SECISBP2: variants seen among roughly 807,000 people sequenced by gnomAD.
The protein encoded by SECISBP2 is SECIS binding protein 2.
Under a neutral mutation model 98.2 loss-of-function variants are expected in SECISBP2, and 96 were observed. The observed-to-expected ratio is 0.98, with a 90% CI of 0.83 to 1.16. SECISBP2 has a LOEUF of 1.16. SECISBP2 is among the 50% of genes most tolerant of loss of function. SECISBP2 has a pLI of 0.00. For synonymous variants in SECISBP2, 407 were observed against 370.2 expected (o/e 1.10, Z -1.14); for missense variants, 1,046 against 1,022.9 (o/e 1.02, Z -0.31).
intron 14 of SECISBP2, among the ~76,000 whole-genome samples, chr9:89,353,727 GGTGGAAAT>G (rs1365415913): frequency 6.6e-6 from 1 of 152,144 alleles, no homozygotes; most frequent in African/African-American, 2.4e-5. Context: ...AAAACAAAAA[GGTGGAAAT>G]GTATGCCCTT....
At chr9:89,328,970 T>G (rs1018845906) in intron 5 of SECISBP2, 84 bp downstream of exon 5, 1 of 1,167,340 alleles carries the variant, frequency 8.6e-7, no homozygotes, top group Non-Finnish European at 1.3e-6. Context: ...TAAATCTTGC[T>G]GTGGGCTTTG....
At chr9:89,321,504 C>T (rs1405478571) in intron 2 of SECISBP2, among the ~76,000 whole-genome samples, 2 of 151,356 alleles carry the variant, frequency 1.3e-5, no homozygotes, top group Admixed American at 1.3e-4. Flanking sequence ...ATCTCTACTA[C>T]AGAAATACAA....
intron 10 of SECISBP2, among the ~76,000 whole-genome samples, chr9:89,344,749 A>G (rs1016972683): frequency 2.0e-5 from 3 of 152,102 alleles, no homozygotes; most frequent in Non-Finnish European, 4.4e-5. Context: ...ATGTTAGTTT[A>G]TATATTGAAG....
At chr9:89,350,305 T>C (rs1282308497) in intron 13 of SECISBP2, among the ~76,000 whole-genome samples, 1 of 152,202 alleles carries the variant, frequency 6.6e-6, no homozygotes, top group African/African-American at 2.4e-5. Flanking sequence ...CCTGCCCACT[T>C]TTCTTCCAGG....
chr9:89,366,711 A>C, the SECISBP2 span, among the ~76,000 whole-genome samples: 2 of 152,254 alleles, frequency 1.3e-5, no homozygotes, highest in Admixed American at 6.5e-5. Flanking sequence ...GCTGATGGGC[A>C]TCCAGGTAAA....
chr9:89,332,983 A>G lies in SECISBP2; in HGVS notation c.877A>G (p.Arg293Gly). The stretch of plus-strand genomic sequence containing the variant: ...CGCTACCAATTCTCCTTCATGTACA[A>G]GAGGTAAAAGTGGCTGCAAAAATGT... ...NAATNSPSCTRELSWTPMGYV... is the reference protein window; with the variant it reads ...NAATNSPSCTGELSWTPMGYV... Residue 293 changes from arginine to glycine, a missense_variant, in exon 6 of 17, where the codon AGA (arginine) becomes GGA (glycine). Arg to Gly is a moderately radical substitution (Grantham distance 125). Transcript: ENST00000375807. The G allele has an allele frequency of 1.2e-6, 2 of 1,613,454 alleles. No homozygotes were observed. Among genetic ancestry groups the G allele is most frequent in the East Asian group, 2.2e-5 (1 of 44,824 alleles).
intron 10 of SECISBP2, among the ~76,000 whole-genome samples, chr9:89,342,178 A>C (rs1829748773): frequency 6.6e-6 from 1 of 152,264 alleles, no homozygotes; most frequent in South Asian, 2.1e-4. Context: ...GTGCGTGAAA[A>C]GATACTCAAT....
chr9:89,330,247 T>C (rs917856780), intron 5 of SECISBP2: 3 of 152,250 alleles, frequency 2.0e-5, no homozygotes, highest in Admixed American at 1.3e-4. Context: ...TACAGCAGGT[T>C]AATTCACTTT....
At chr9:89,348,779 G>A (rs149479516) in intron 12 of SECISBP2, among the ~76,000 whole-genome samples, 315 of 152,364 alleles carry the variant, frequency 2.1e-3, no homozygotes, top group Middle Eastern at 6.8e-3. Context: ...GGCTGTGGCT[G>A]TGGCTCTAGT....
At chr9:89,322,345 T>C (rs1825952806) in intron 2 of SECISBP2, 1 of 152,276 alleles carries the variant, frequency 6.6e-6, no homozygotes, top group African/African-American at 2.4e-5. Flanking sequence ...TCCATTGTCA[T>C]GTTACATCCT....
chr9:89,334,091 A>G (rs2131716143), intron 6 of SECISBP2: 1 of 1,120,950 alleles, frequency 8.9e-7, no homozygotes, highest in South Asian at 2.2e-5. Flanking sequence ...GAAATAAATT[A>G]CCAGTTATTG....
chr9:89,319,024 CGATCG>C, intron 1 of SECISBP2: 6 of 1,027,202 alleles, frequency 5.8e-6, no homozygotes, highest in Non-Finnish European at 7.0e-6. Context: ...GGAGCCCTGG[CGATCG>C]CTTGCATCAT....
chr9:89,325,046 T>G, intron 2 of SECISBP2: 1 of 298,084 alleles, frequency 3.4e-6, no homozygotes, highest in East Asian at 9.9e-5. Flanking sequence ...GCAGGAGCCT[T>G]GGTGGAGGCA....
chr9:89,354,483 G>C (rs1448094434), intron 14 of SECISBP2, among the ~76,000 whole-genome samples: 1 of 152,168 alleles, frequency 6.6e-6, no homozygotes, highest in Non-Finnish European at 1.5e-5. Context: ...TGTCTACCAG[G>C]GGTGCTCATT....
intron 2 of SECISBP2, among the ~76,000 whole-genome samples, chr9:89,322,023 T>C (rs993598333): frequency 6.6e-6 from 1 of 152,246 alleles, no homozygotes; most frequent in Non-Finnish European, 1.5e-5. Context: ...TATGTCCCCT[T>C]CCCTCATCTT....
chr9:89,338,372 ATATCT>A, intron 7 of SECISBP2, 81 bp from the exon 8 acceptor site: 1 of 1,459,010 alleles, frequency 6.9e-7, no homozygotes, highest in Non-Finnish European at 9.4e-7. Context: ...ATAGGACTTG[ATATCT>A]TAATTTTGTT....
intron 2 of SECISBP2, chr9:89,322,945 T>G (rs1826063952): frequency 6.6e-6 from 1 of 152,124 alleles, no homozygotes; most frequent in Non-Finnish European, 1.5e-5. Flanking sequence ...TTGTAATCAC[T>G]CCTAAATTTT....
intron 14 of SECISBP2, among the ~76,000 whole-genome samples, chr9:89,352,599 C>T (rs6559346): frequency 0.26 from 40,059 of 151,948 alleles, 5,683 homozygotes; most frequent in South Asian, 0.41. Context: ...CTCTGGGACA[C>T]GATGAATTTT....
In SECISBP2 at chr9:89,328,881, T is replaced by G. The variant is rs745577063; in HGVS notation, c.796T>G (p.Ser266Ala). Residue 266 changes from serine to alanine, a missense_variant, in exon 5 of 17, where the codon TCA becomes GCA. Ser to Ala is a moderately conservative substitution (Grantham distance 99, BLOSUM62 1). Coordinates refer to ENST00000375807, the MANE Select transcript of SECISBP2 (RefSeq NM_024077.5). ...REVVKPAAVL[S>A]KGEIVVKNNP... ...AGTAGTAAAACCAGCTGCAGTGTTA[T>G]CAAAGGTGAGGTGAGGGTTTCTCTC... is the stretch of plus-strand genomic sequence containing the variant. 1.2e-6 allele frequency: 2 copies of G among 1,612,556 alleles called. No homozygotes were observed. The highest frequency in any genetic ancestry group is 2.2e-5 in the South Asian group (2 of 91,016).
Sources: gnomAD v4.1 joint callset for allele counts (sites outside exome capture counted in the v4.1 genomes callset) on GRCh38, gnomAD v4.1.1 for gene constraint, MANE v1.5 for transcripts, NCBI Gene and HGNC (gene_info 2026-07-23, HGNC 2026-07-21) for gene names.